Variants in UBE3D observed in about 807,000 individuals in gnomAD.
UBE3D encodes the protein E3 ubiquitin-protein ligase E3D.
A neutral mutation model predicts 49.6 loss-of-function variants in UBE3D; 48 were observed. That is an observed-to-expected ratio of 0.97 (90% CI 0.77 to 1.23). UBE3D has a LOEUF of 1.23. UBE3D is among the 50% of genes most tolerant of loss of function. The probability of loss-of-function intolerance (pLI) is 0.00; values close to 1 mark genes in which losing one functional copy is unlikely to be tolerated. For synonymous variants in UBE3D, 189 were observed against 174.2 expected, an observed-to-expected ratio of 1.08 and a Z score of -0.67; for missense variants, 452 against 468.4, an observed-to-expected ratio of 0.96 and a Z score of 0.32.
At chr6:82,957,781 G>A (rs1242063945) in intron 8 of UBE3D, among the ~76,000 whole-genome samples, 1 of 152,128 alleles carries the variant, frequency 6.6e-6, no homozygotes, top group Non-Finnish European at 1.5e-5. Flanking sequence ...TACATTCTAT[G>A]CCCTGTTCTA....
At chr6:82,908,311 G>A (rs375153966) in intron 9 of UBE3D, among the ~76,000 whole-genome samples, 1 of 152,200 alleles carries the variant, frequency 6.6e-6, no homozygotes, top group Non-Finnish European at 1.5e-5. Context: ...TTGGCAATGC[G>A]TGGAGACATT....
At chr6:83,037,150 A>ATGAG (rs1159875772) in intron 5 of UBE3D, 1 of 152,706 alleles carries the variant, frequency 6.5e-6, no homozygotes, top group Non-Finnish European at 1.5e-5. Flanking sequence ...CCCTTGCCTC[A>ATGAG]GACTGCCTTC....
chr6:83,041,910 A>G, intron 4 of UBE3D, among the ~76,000 whole-genome samples: 1 of 151,758 alleles, frequency 6.6e-6, no homozygotes, highest in Non-Finnish European at 1.5e-5. Flanking sequence ...CTTATCGTCT[A>G]TTATATAATT....
At chr6:82,976,866 G>A (rs531827320) in intron 8 of UBE3D, among the ~76,000 whole-genome samples, 1 of 152,170 alleles carries the variant, frequency 6.6e-6, no homozygotes, top group East Asian at 1.9e-4. Flanking sequence ...TGTAATCCCA[G>A]CACTTTGGGA....
At chr6:82,943,108 T>G (rs56180943) in intron 9 of UBE3D, among the ~76,000 whole-genome samples, 24,389 of 152,232 alleles carry the variant, frequency 0.16, 2,000 homozygotes, top group South Asian at 0.17. Context: ...AGATCAGTTT[T>G]GAACTTTAAG....
intron 9 of UBE3D, among the ~76,000 whole-genome samples, chr6:82,952,451 G>A (rs182839518): frequency 1.3e-5 from 2 of 150,650 alleles, no homozygotes; most frequent in African/African-American, 4.9e-5. Context: ...TTTTGAGATA[G>A]GGTCTCACTC....
intron 1 of UBE3D, among the ~76,000 whole-genome samples, chr6:83,064,945 G>A (rs1784400500): frequency 6.6e-6 from 1 of 152,182 alleles, no homozygotes; most frequent in Admixed American, 6.5e-5. Flanking sequence ...CTTTGAAACA[G>A]CGATCACAAA....
intron 5 of UBE3D, among the ~76,000 whole-genome samples, chr6:83,029,444 T>C (rs9361987): frequency 0.65 from 98,531 of 152,016 alleles, 32,861 homozygotes; most frequent in East Asian, 0.78. Context: ...AATTACCAAA[T>C]TATTTTTCTT....
chr6:83,027,434 C>CAAAAAAAAAAA (rs61225462), intron 5 of UBE3D, among the ~76,000 whole-genome samples: 710 of 34,622 alleles, frequency 0.021, 158 homozygotes, highest in East Asian at 0.039. Context: ...GACTCCGTCT[C>CAAAAAAAAAAA]AAAAAAAAAA....
intron 9 of UBE3D, among the ~76,000 whole-genome samples, chr6:82,904,292 T>C (rs1771942785): frequency 6.6e-6 from 1 of 152,228 alleles, no homozygotes. Context: ...AACGTCATTT[T>C]ACTTAAAGTC....
At chr6:82,995,103 G>C (rs61028543) in intron 8 of UBE3D, among the ~76,000 whole-genome samples, 21,691 of 152,128 alleles carry the variant, frequency 0.14, 1,646 homozygotes, top group African/African-American at 0.17. Context: ...GAAGGAAAAA[G>C]GGAAGAGGCC....
intron 2 of UBE3D, among the ~76,000 whole-genome samples, chr6:83,055,548 A>T (rs1783760860): frequency 6.6e-6 from 1 of 152,222 alleles, no homozygotes; most frequent in South Asian, 2.1e-4. Context: ...TCAGTGAAAC[A>T]CTACCCTCTG....
In UBE3D at chr6:82,977,418, T is replaced by C. The variant is rs1175930252; in HGVS notation, c.1011-19968A>G. Among the ~76,000 whole-genome samples, 4 of 152,170 alleles carry C rather than the reference T, an allele frequency of 2.6e-5. No homozygotes were observed. The East Asian group carries it at 7.7e-4, about 29-fold the overall frequency. ...CCATCCTTTCACCCATCTATCCACC[T>C]ACATTCTCAGCTTAAAATCCTTGCC... On this transcript the variant is annotated intron_variant, in intron 8 of 9. Transcript: ENST00000369747.
At chr6:83,014,418 G>A (rs1041625969) in intron 8 of UBE3D, among the ~76,000 whole-genome samples, 1 of 152,142 alleles carries the variant, frequency 6.6e-6, no homozygotes, top group Non-Finnish European at 1.5e-5. Flanking sequence ...AGCCAATGTG[G>A]GGGTTCTGCC....
chr6:82,885,469 A>G, the UBE3D span, among the ~76,000 whole-genome samples: 2 of 152,194 alleles, frequency 1.3e-5, no homozygotes, highest in Admixed American at 6.5e-5. Context: ...GACATTATGC[A>G]TGCATTAACC....
chr6:82,990,491 TGGTCTTGAACTCCTGACCTCA>T (rs1778810978), intron 8 of UBE3D, among the ~76,000 whole-genome samples: 2 of 152,090 alleles, frequency 1.3e-5, no homozygotes, highest in Non-Finnish European at 2.9e-5. Context: ...TTGGACAGGC[TGGTCTTGAACTCCTGACCTCA>T]GGTGATCTAC....
the UBE3D span, among the ~76,000 whole-genome samples, chr6:82,880,904 C>A: frequency 6.6e-6 from 1 of 152,216 alleles, no homozygotes; most frequent in Admixed American, 6.5e-5. Flanking sequence ...TCCTGGTTTG[C>A]AGATTGCTGA....
At chr6:82,959,611 C>A (rs1006278609) in intron 8 of UBE3D, among the ~76,000 whole-genome samples, 1 of 150,970 alleles carries the variant, frequency 6.6e-6, no homozygotes, top group Non-Finnish European at 1.5e-5. Context: ...CTTCCTTCAA[C>A]CACATTCCAC....
At chr6:82,882,807 G>A in the UBE3D span, among the ~76,000 whole-genome samples, 3 of 152,038 alleles carry the variant, frequency 2.0e-5, no homozygotes, top group Non-Finnish European at 4.4e-5. Flanking sequence ...GCCACAAAGA[G>A]AGAACTATAA....
Sources: gnomAD v4.1 joint callset for allele counts (sites outside exome capture counted in the v4.1 genomes callset) on GRCh38, gnomAD v4.1.1 for gene constraint, MANE v1.5 for transcripts, NCBI Gene and HGNC (gene_info 2026-07-23, HGNC 2026-07-21) for gene names.